The following C14orf132 variants were observed in gnomAD, a reference collection of about 807,000 sequenced individuals.
The protein encoded by C14orf132 is uncharacterized protein C14orf132.
C14orf132 carries 6 observed loss-of-function variants against 5.8 expected under a neutral mutation model. The ratio of observed to expected loss-of-function variants is 1.03; its 90% confidence interval spans 0.57 to 2.04. C14orf132 has a LOEUF of 2.04. C14orf132 is among the 30% of genes most tolerant of loss of function. The pLI is 0.00. For missense variants in C14orf132, 125 were observed against 115.8 expected, an observed-to-expected ratio of 1.08 and a Z score of -0.37; for synonymous variants, 51 against 49.8, an observed-to-expected ratio of 1.02 and a Z score of -0.10.
intron 1 of C14orf132, among the ~76,000 whole-genome samples, chr14:96,066,664 A>G (rs774282094): frequency 1.3e-5 from 2 of 152,168 alleles, no homozygotes; most frequent in Non-Finnish European, 2.9e-5. Context: ...GTTAGACTCA[A>G]CCCGTATCCT....
rs1312673902 is a variant in C14orf132 at position 96,087,447 on chromosome 14, T to C, written c.*712T>C. On this transcript the variant is annotated 3_prime_UTR_variant, in exon 2 of 2. Coordinates refer to ENST00000555004, the MANE Select transcript of C14orf132 (RefSeq NM_001252507.3). ...TTTAAGAGCTAGATGTGCCAGGCAGTGGACTCTTCAGGCCACCCACGTGAG... is the reference window on the plus strand; with the variant it reads ...TTTAAGAGCTAGATGTGCCAGGCAGCGGACTCTTCAGGCCACCCACGTGAG... 5.3e-5 allele frequency: 8 copies of C among 152,114 alleles called. No individual in the cohort carries two copies. In the East Asian group the frequency reaches 1.2e-3, roughly 22 times the overall value. The allele number at this position is 152,114 out of a possible 1,614,324, so 9.4% of individuals were successfully genotyped here. A position where few individuals can be genotyped will look rare whatever the true frequency, so the allele number is the denominator to read the frequency against.
At chr14:96,072,831 G>A (rs777093507) in intron 1 of C14orf132, among the ~76,000 whole-genome samples, 3 of 152,246 alleles carry the variant, frequency 2.0e-5, no homozygotes, top group African/African-American at 7.2e-5. Context: ...CATTTTTATC[G>A]CCAAGTGGGA....
intron 1 of C14orf132, among the ~76,000 whole-genome samples, chr14:96,072,442 C>T (rs768886944): frequency 6.6e-6 from 1 of 152,192 alleles, no homozygotes; most frequent in Non-Finnish European, 1.5e-5. Context: ...CCGGGCTTGC[C>T]ACAGTGCCTG....
rs900109372 is a variant in C14orf132 at position 96,090,971 on chromosome 14, A to C, written c.*4236A>C. The C allele has an allele frequency of 3.3e-5, 15 of 456,022 alleles. No individual in the cohort carries two copies. The highest frequency in any genetic ancestry group is 2.3e-4 in the Admixed American group (10 of 42,562). 28.2% of individuals were successfully genotyped at this position (456,022 alleles called of 1,614,324 possible). The stretch of plus-strand genomic sequence containing the variant: ...CCCAGTTATTATTCTTACCGGTGCC[A>C]GTTTTGCACATCTTTTTGTTGCTCT... On this transcript the variant is annotated 3_prime_UTR_variant, in exon 2 of 2. Transcript: ENST00000555004.
At chr14:96,057,133 G>T (rs1016338840) in intron 1 of C14orf132, among the ~76,000 whole-genome samples, 1 of 152,206 alleles carries the variant, frequency 6.6e-6, no homozygotes, top group African/African-American at 2.4e-5. Flanking sequence ...CCAATGCAAT[G>T]GTATTATCCC....
At chr14:96,050,429 G>T (rs1346814447) in intron 1 of C14orf132, among the ~76,000 whole-genome samples, 4 of 152,140 alleles carry the variant, frequency 2.6e-5, no homozygotes, top group Non-Finnish European at 4.4e-5. Flanking sequence ...GATGGAAACA[G>T]GCACTATTTC....
intron 1 of C14orf132, among the ~76,000 whole-genome samples, chr14:96,083,541 G>A (rs1455396371): frequency 6.6e-6 from 1 of 152,208 alleles, no homozygotes. Context: ...ATAAGAGCGA[G>A]GCTGGAAGAT....
At chr14:96,045,577 G>T (rs181220224) in intron 1 of C14orf132, among the ~76,000 whole-genome samples, 303 of 152,354 alleles carry the variant, frequency 2.0e-3, no homozygotes, top group Admixed American at 5.6e-3. Flanking sequence ...GGGCTTTGGA[G>T]CTCTAGCCCC....
chr14:96,091,139 G>A lies in C14orf132; in HGVS notation c.*4404G>A. 2.5e-6 allele frequency: 1 copy of A among 404,060 alleles called. No homozygotes were observed. Among genetic ancestry groups the A allele is most frequent in the South Asian group, 1.9e-5 (1 of 53,592 alleles). 25.0% of individuals were successfully genotyped at this position (404,060 alleles called of 1,614,324 possible). A position where few individuals can be genotyped will look rare whatever the true frequency, so the allele number is the denominator to read the frequency against. ...CTCACAGCTAAGGAGCTGTGATTCAGACCCAGTTCTGTCAGCTCTAGAGGC... is the reference window on the plus strand; with the variant it reads ...CTCACAGCTAAGGAGCTGTGATTCAAACCCAGTTCTGTCAGCTCTAGAGGC... On this transcript the variant is annotated 3_prime_UTR_variant, in exon 2 of 2. Transcript: ENST00000555004.
intron 1 of C14orf132, among the ~76,000 whole-genome samples, chr14:96,082,363 A>C (rs1310147909): frequency 6.6e-6 from 1 of 152,194 alleles, no homozygotes; most frequent in Non-Finnish European, 1.5e-5. Flanking sequence ...TTCTGACCAC[A>C]AGCCAGCTCC....
chr14:96,055,300 C>T (rs575449961), intron 1 of C14orf132, among the ~76,000 whole-genome samples: 188 of 152,296 alleles, frequency 1.2e-3, no homozygotes, highest in African/African-American at 4.2e-3. Flanking sequence ...AGGGAGACTG[C>T]TGACAAACCT....
intron 1 of C14orf132, among the ~76,000 whole-genome samples, chr14:96,049,648 A>G (rs12898058): frequency 3.9e-4 from 30 of 77,144 alleles, no homozygotes; most frequent in African/African-American, 6.3e-4. Context: ...ACGTATATAT[A>G]TATATAGAGA....
chr14:96,040,607 CTG>C (rs1886664981), intron 1 of C14orf132, among the ~76,000 whole-genome samples: 1 of 152,136 alleles, frequency 6.6e-6, no homozygotes, highest in African/African-American at 2.4e-5. Context: ...AAAATCCAGA[CTG>C]TGTGTGGACA....
chr14:96,078,584 A>G (rs1013411329), intron 1 of C14orf132, among the ~76,000 whole-genome samples: 2 of 152,012 alleles, frequency 1.3e-5, no homozygotes, highest in Non-Finnish European at 2.9e-5. Context: ...GCATTTTTTC[A>G]TACTCTCCTA....
Position 96,039,539 on chromosome 14 carries a change from T to TC in C14orf132, c.27+19dup, listed in dbSNP as rs772464195. The TC allele has an allele frequency of 4.8e-5, 72 of 1,496,384 alleles. No homozygotes were observed. The highest frequency in any genetic ancestry group is 3.4e-4 in the Middle Eastern group (2 of 5,850). 92.7% of individuals were successfully genotyped at this position (1,496,384 alleles called of 1,614,324 possible). Reference sequence around the variant, plus strand: ...TTATGGCCGCGCAGGTAACGGGGCGTCCCCCCCACGCGCCCCGGGCCGCCA... The same window carrying TC: ...TTATGGCCGCGCAGGTAACGGGGCGTCCCCCCCCACGCGCCCCGGGCCGCCA... On this transcript the variant is annotated intron_variant, in intron 1 of 1. Coordinates refer to ENST00000555004, the MANE Select transcript of C14orf132 (RefSeq NM_001252507.3). The surrounding 1 kb of genome is among the most constrained non-coding windows in gnomAD (Gnocchi z 5.3).
intron 1 of C14orf132, among the ~76,000 whole-genome samples, chr14:96,081,226 A>G (rs12884274): frequency 0.039 from 5,969 of 152,306 alleles, 166 homozygotes; most frequent in Non-Finnish European, 0.064. Context: ...CAAGAATGCT[A>G]TCGGAGTTTA....
rs1049418628 is a variant in C14orf132 at position 96,092,041 on chromosome 14, C to T, written c.*5306C>T. ...TCAAAGACTCCCTGGAGCGAGAAAA[C>T]AGTTACTGCCAGAAGCAGAATGGAA... On this transcript the variant is annotated 3_prime_UTR_variant, in exon 2 of 2. Transcript: ENST00000555004. 2 of 152,204 alleles carry T rather than the reference C, an allele frequency of 1.3e-5. No homozygotes were observed. Among genetic ancestry groups the T allele is most frequent in the African/African-American group, 4.8e-5 (2 of 41,444 alleles). 9.4% of individuals were successfully genotyped at this position (152,204 alleles called of 1,614,324 possible).
At chr14:96,064,361 T>TACAC (rs755164695) in intron 1 of C14orf132, among the ~76,000 whole-genome samples, 1,144 of 97,800 alleles carry the variant, frequency 0.012, 8 homozygotes, top group South Asian at 0.038. Flanking sequence ...AGGGTGCATA[T>TACAC]ATACACACAC....
At chr14:96,077,831 G>A (rs1405427738) in intron 1 of C14orf132, among the ~76,000 whole-genome samples, 1 of 152,248 alleles carries the variant, frequency 6.6e-6, no homozygotes, top group African/African-American at 2.4e-5. Flanking sequence ...CCCCTCAGGG[G>A]TTAGTCTCGA....
Sources: gnomAD v4.1 joint callset for allele counts (sites outside exome capture counted in the v4.1 genomes callset) on GRCh38, gnomAD v4.1.1 for gene constraint, Gnocchi (gnomAD v3.1) non-coding constraint, MANE v1.5 for transcripts, NCBI Gene and HGNC (gene_info 2026-07-23, HGNC 2026-07-21) for gene names.